SPOCK1: variants seen among roughly 807,000 people sequenced by gnomAD.
SPOCK1 encodes the protein SPARC (osteonectin), cwcv and kazal like domains proteoglycan 1, also known as testican-1.
In SPOCK1, 23 loss-of-function variants were observed where a neutral mutation model predicts 55.3. The ratio of observed to expected loss-of-function variants is 0.42; its 90% CI spans 0.30 to 0.59. The LOEUF (loss-of-function observed/expected upper bound fraction) is 0.59. Ranked by LOEUF, SPOCK1 falls within the 20% of genes least tolerant of loss-of-function variation. The pLI is 0.22. For synonymous variants in SPOCK1, 226 were observed against 221.0 expected, an observed-to-expected ratio of 1.02 and a Z score of -0.20; for missense variants, 499 against 552.5, an observed-to-expected ratio of 0.90 and a Z score of 0.97.
At chr5:137,008,403 C>T (rs955993850) in intron 6 of SPOCK1, among the ~76,000 whole-genome samples, 1 of 151,856 alleles carries the variant, frequency 6.6e-6, no homozygotes, top group South Asian at 2.1e-4. Context: ...CCTCAGATTT[C>T]AGCACGGCAA....
At chr5:137,132,761 T>C (rs1160781320) in intron 4 of SPOCK1, among the ~76,000 whole-genome samples, 1 of 152,338 alleles carries the variant, frequency 6.6e-6, no homozygotes, top group Middle Eastern at 3.4e-3. Context: ...ATGGAAAATA[T>C]GAACTGCCCC....
chr5:137,197,413 G>A (rs768013474), intron 3 of SPOCK1, among the ~76,000 whole-genome samples: 11 of 152,164 alleles, frequency 7.2e-5, no homozygotes, highest in Non-Finnish European at 1.3e-4. Flanking sequence ...CTATGTGACC[G>A]TGGACAAGTC....
At chr5:137,196,436 G>A (rs1480058329) in intron 3 of SPOCK1, among the ~76,000 whole-genome samples, 2 of 152,210 alleles carry the variant, frequency 1.3e-5, no homozygotes, top group Non-Finnish European at 2.9e-5. Context: ...GGCTTCAGCT[G>A]GTCCCTCTGT....
intron 3 of SPOCK1, among the ~76,000 whole-genome samples, chr5:137,236,270 G>T (rs13163306): frequency 6.6e-6 from 1 of 151,954 alleles, no homozygotes; most frequent in African/African-American, 2.4e-5. Context: ...TTGCAGTGAC[G>T]AGGGGGTTAC....
chr5:137,452,757 C>A (rs907381813), intron 2 of SPOCK1, among the ~76,000 whole-genome samples: 1 of 152,188 alleles, frequency 6.6e-6, no homozygotes, highest in Non-Finnish European at 1.5e-5. Flanking sequence ...ATGTGGCATC[C>A]TTGGCACATG....
At chr5:137,468,655 G>A (rs1753670890) in intron 2 of SPOCK1, among the ~76,000 whole-genome samples, 1 of 152,158 alleles carries the variant, frequency 6.6e-6, no homozygotes, top group Admixed American at 6.5e-5. Context: ...TAATGCAGTG[G>A]AAGTTTGGGG....
chr5:137,498,686 A>C, intron 1 of SPOCK1, 128 bp from the exon 2 acceptor site: 1 of 716,674 alleles, frequency 1.4e-6, no homozygotes. Flanking sequence ...GCGCTCGCGC[A>C]CCTGGGGCGC....
intron 2 of SPOCK1, among the ~76,000 whole-genome samples, chr5:137,317,438 A>G (rs964181868): frequency 1.3e-4 from 20 of 152,170 alleles, no homozygotes; most frequent in African/African-American, 4.8e-4. Context: ...AATGCAGGAC[A>G]CTGGAGAGGA....
chr5:137,247,363 C>T (rs1009536904), intron 3 of SPOCK1, among the ~76,000 whole-genome samples: 2 of 152,004 alleles, frequency 1.3e-5, no homozygotes, highest in African/African-American at 2.4e-5. Context: ...TTTAGACTCC[C>T]CCTTGATTCA....
At chr5:137,313,129 G>A (rs1266198132) in intron 2 of SPOCK1, among the ~76,000 whole-genome samples, 1 of 152,164 alleles carries the variant, frequency 6.6e-6, no homozygotes, top group Non-Finnish European at 1.5e-5. Flanking sequence ...GGACCAAAAT[G>A]TGTCCCTACC....
At chr5:137,180,904 G>A (rs138326374) in intron 3 of SPOCK1, among the ~76,000 whole-genome samples, 7 of 152,274 alleles carry the variant, frequency 4.6e-5, no homozygotes, top group Admixed American at 2.0e-4. Flanking sequence ...GTGATAAGTG[G>A]ATGGCTTGGC....
At chr5:137,075,773 G>A (rs1028365906) in intron 5 of SPOCK1, among the ~76,000 whole-genome samples, 2 of 152,112 alleles carry the variant, frequency 1.3e-5, no homozygotes, top group East Asian at 1.9e-4. Context: ...TGACCTGCAC[G>A]TGCAGGCCCA....
intron 6 of SPOCK1, among the ~76,000 whole-genome samples, chr5:137,011,283 T>C (rs1257631810): frequency 6.6e-6 from 1 of 152,200 alleles, no homozygotes; most frequent in Non-Finnish European, 1.5e-5. Flanking sequence ...TTTGTGAGAA[T>C]AGTTGAGCTC....
intron 2 of SPOCK1, among the ~76,000 whole-genome samples, chr5:137,450,575 A>G (rs1222385936): frequency 2.0e-5 from 3 of 152,188 alleles, no homozygotes; most frequent in East Asian, 1.9e-4. Flanking sequence ...TGCTATTGCC[A>G]TCTTGAAATT....
chr5:137,065,965 T>A (rs889042525), intron 6 of SPOCK1, among the ~76,000 whole-genome samples: 5 of 152,160 alleles, frequency 3.3e-5, no homozygotes, highest in Non-Finnish European at 5.9e-5. Context: ...TCTGCTTAAA[T>A]ATGAAGCCCA....
At chr5:137,341,664 C>T (rs1750426853) in intron 2 of SPOCK1, among the ~76,000 whole-genome samples, 1 of 152,144 alleles carries the variant, frequency 6.6e-6, no homozygotes, top group Non-Finnish European at 1.5e-5. Flanking sequence ...CTGTGGTAGA[C>T]CCTCAGGCTA....
At chr5:137,277,232 C>A (rs909911922) in intron 2 of SPOCK1, among the ~76,000 whole-genome samples, 1 of 152,164 alleles carries the variant, frequency 6.6e-6, no homozygotes, top group Non-Finnish European at 1.5e-5. Context: ...CCTGGCTGGT[C>A]TCAAACTCCT....
intron 9 of SPOCK1, among the ~76,000 whole-genome samples, chr5:136,981,929 CTG>C (rs1750739445): frequency 6.6e-6 from 1 of 152,178 alleles, no homozygotes; most frequent in Admixed American, 6.5e-5. Flanking sequence ...CAACAATAGA[CTG>C]TATATGTGAC....
At chr5:137,378,770 C>G (rs377441735) in intron 2 of SPOCK1, among the ~76,000 whole-genome samples, 1 of 152,182 alleles carries the variant, frequency 6.6e-6, no homozygotes, top group African/African-American at 2.4e-5. Context: ...TAGCTAGCAA[C>G]AGGATCACTT....
Sources: allele counts gnomAD v4.1 joint callset (sites outside exome capture counted in the v4.1 genomes callset), GRCh38; gene constraint gnomAD v4.1.1; transcripts MANE v1.5; gene names NCBI Gene and HGNC (gene_info 2026-07-23, HGNC 2026-07-21).